The following PDE7B variants were observed in gnomAD, a reference collection of about 807,000 sequenced individuals.
PDE7B encodes the protein phosphodiesterase 7B.
In PDE7B, 29 loss-of-function variants were observed where a neutral mutation model predicts 56.2. That is an observed-to-expected ratio of 0.52 (90% CI 0.38 to 0.70). The LOEUF (loss-of-function observed/expected upper bound fraction) is 0.70, where lower values mean the gene tolerates loss of function less well. Among genes scored for constraint, PDE7B ranks in the 30% least tolerant of loss-of-function variants. The pLI, the probability that PDE7B is intolerant of heterozygous loss-of-function variation, is 0.00. For missense variants in PDE7B, 490 were observed against 565.0 expected (o/e 0.87, Z 1.35); for synonymous variants, 197 against 196.9 (o/e 1.00, Z 0.00).
intron 2 of PDE7B, among the ~76,000 whole-genome samples, chr6:136,015,424 T>C (rs1171626753): frequency 6.6e-6 from 1 of 152,214 alleles, no homozygotes; most frequent in East Asian, 1.9e-4. Context: ...CTGAATAATA[T>C]CTCTTTTTAA....
At chr6:136,053,649 G>T (rs1256091400) in intron 2 of PDE7B, among the ~76,000 whole-genome samples, 5 of 152,148 alleles carry the variant, frequency 3.3e-5, no homozygotes, top group African/African-American at 1.2e-4. Context: ...CTTCCACAAT[G>T]GTTAAGCTAG....
At chr6:135,942,191 A>AT (rs149648187) in intron 1 of PDE7B, among the ~76,000 whole-genome samples, 2,081 of 152,186 alleles carry the variant, frequency 0.014, 49 homozygotes, top group African/African-American at 0.046. Context: ...CCTAACATCA[A>AT]TTTTTTTATA....
intron 8 of PDE7B, among the ~76,000 whole-genome samples, chr6:136,157,681 G>A (rs77223568): frequency 6.6e-6 from 1 of 152,172 alleles, no homozygotes; most frequent in Non-Finnish European, 1.5e-5. Flanking sequence ...GGAAGATGGG[G>A]GAAGGAGAAA....
rs1774236468 is a variant in PDE7B, at chr6:135,928,489, A to ATATATATATATTTATATATATATATT, written c.22-18971_22-18946dup. Among the ~76,000 whole-genome samples the ATATATATATATTTATATATATATATT allele has an allele frequency of 4.2e-3, 342 of 81,500 alleles. 5 individuals carry two copies. The highest frequency in any genetic ancestry group is 0.013 in the African/African-American group (286 of 21,818). The allele number at this position is 81,500 out of a possible 152,430, so 53.5% of individuals were successfully genotyped here. ...TTTATTTATATATATATATTTATTT[A>ATATATATATATTTATATATATATATT]TATATATATATTTATATATATATAT... On this transcript the variant is annotated intron_variant, in intron 1 of 12. Coordinates refer to ENST00000308191, the MANE Select transcript of PDE7B (RefSeq NM_018945.4).
intron 1 of PDE7B, among the ~76,000 whole-genome samples, chr6:135,882,202 C>T (rs1249068160): frequency 6.6e-6 from 1 of 152,198 alleles, no homozygotes; most frequent in African/African-American, 2.4e-5. Flanking sequence ...TGGATATCCA[C>T]AGCCCACCAA....
chr6:136,183,312 G>C (rs766239651), intron 11 of PDE7B, among the ~76,000 whole-genome samples: 5 of 152,032 alleles, frequency 3.3e-5, no homozygotes, highest in Non-Finnish European at 5.9e-5. Context: ...GAAGATTATA[G>C]GCTGGGCATG....
rs190220683 is a variant in PDE7B at position 136,184,086 on chromosome 6, A to G, written c.1045+2763A>G. On this transcript the variant is annotated intron_variant, in intron 11 of 12. Coordinates refer to ENST00000308191, the MANE Select transcript of PDE7B (RefSeq NM_018945.4). ...GAACATCTGCTTCCAGCCTTGTCTAATCCTCAACAAAACTGATTATCCTAT... is the reference window on the plus strand; with the variant it reads ...GAACATCTGCTTCCAGCCTTGTCTAGTCCTCAACAAAACTGATTATCCTAT... 3.3e-5 allele frequency among the ~76,000 whole-genome samples: 5 copies of G among 152,316 alleles called. No homozygotes were observed. The East Asian group carries it at 9.6e-4, about 29-fold the overall frequency.
At position 136,187,072 on chromosome 6, in the gene PDE7B, C is replaced by T; in HGVS notation, c.1082C>T (p.Pro361Leu). Residue 361 changes from proline to leucine, a missense_variant, in exon 12 of 13, where the codon CCT becomes CTT. Physicochemically the swap from Pro to Leu is moderately conservative, Grantham distance 98 (BLOSUM62 -3). Transcript: ENST00000308191. ...CAGAAATTTGAACTGGAAATCAGTCCTCTTTGTAATCAACAGAAAGATTCC... is the reference window on the plus strand; with the variant it reads ...CAGAAATTTGAACTGGAAATCAGTCTTCTTTGTAATCAACAGAAAGATTCC... ...LEQKFELEISPLCNQQKDSIP... is the reference protein window; with the variant it reads ...LEQKFELEISLLCNQQKDSIP... The T allele has an allele frequency of 1.3e-6, 2 of 1,592,366 alleles. No homozygotes were observed. The highest frequency in any genetic ancestry group is 1.7e-6 in the Non-Finnish European group (2 of 1,161,654).
At position 135,974,236 on chromosome 6, in the gene PDE7B, A is replaced by G. The variant is rs201877916; in HGVS notation, c.82+26712A>G. 1.6e-3 allele frequency among the ~76,000 whole-genome samples: 239 copies of G among 152,226 alleles called. 1 individual carries two copies. In the East Asian group the frequency reaches 0.028, roughly 18 times the overall value. On this transcript the variant is annotated intron_variant, in intron 2 of 12. Coordinates refer to ENST00000308191, the MANE Select transcript of PDE7B (RefSeq NM_018945.4). ...CTCAAAATAACCCTGTAATATTTTA[A>G]GTGCTATCAATATCCTCTCATTCCA...
At chr6:136,008,336 T>C (rs1283481996) in intron 2 of PDE7B, among the ~76,000 whole-genome samples, 1 of 152,208 alleles carries the variant, frequency 6.6e-6, no homozygotes, top group East Asian at 1.9e-4. Context: ...TATAATCCTT[T>C]GGGTATATAC....
chr6:136,044,944 A>C (rs1382024041), intron 2 of PDE7B: 5 of 152,160 alleles, frequency 3.3e-5, no homozygotes, highest in African/African-American at 9.7e-5. Flanking sequence ...CTTTAAAAAA[A>C]AAAATTAAAC....
At chr6:135,901,866 C>T (rs532552146) in intron 1 of PDE7B, among the ~76,000 whole-genome samples, 11 of 152,216 alleles carry the variant, frequency 7.2e-5, no homozygotes, top group Non-Finnish European at 1.5e-4. Context: ...TTACACATCC[C>T]GTTGTCCTGA....
At chr6:136,048,793 T>C (rs577393734) in intron 2 of PDE7B, among the ~76,000 whole-genome samples, 10 of 152,318 alleles carry the variant, frequency 6.6e-5, no homozygotes, top group African/African-American at 2.4e-4. Flanking sequence ...ATTGACCATA[T>C]TTGTAAGATG....
At chr6:135,911,359 C>T (rs142722914) in intron 1 of PDE7B, among the ~76,000 whole-genome samples, 331 of 152,298 alleles carry the variant, frequency 2.2e-3, no homozygotes, top group Admixed American at 5.3e-3. Context: ...TTGGCCACCA[C>T]ACATCATATA....
chr6:136,157,944 T>C (rs746967436), intron 8 of PDE7B, among the ~76,000 whole-genome samples: 3 of 152,208 alleles, frequency 2.0e-5, no homozygotes, highest in Non-Finnish European at 4.4e-5. Context: ...GTGCATATCA[T>C]GATTCAGTGC....
At chr6:136,021,192 A>G (rs981494390) in intron 2 of PDE7B, among the ~76,000 whole-genome samples, 9 of 152,198 alleles carry the variant, frequency 5.9e-5, no homozygotes, top group African/African-American at 1.9e-4. Flanking sequence ...CTTGACATCA[A>G]CTTAGGTATC....
At chr6:136,061,193 T>C (rs971046087) in intron 2 of PDE7B, among the ~76,000 whole-genome samples, 1 of 152,158 alleles carries the variant, frequency 6.6e-6, no homozygotes, top group African/African-American at 2.4e-5. Flanking sequence ...TAAAAAGTTC[T>C]GCATGTGTGT....
chr6:136,181,353 A>C, intron 11 of PDE7B, 30 bp downstream of exon 11: 45 of 1,311,026 alleles, frequency 3.4e-5, no homozygotes, highest in Non-Finnish European at 4.5e-5. Context: ...CTGAGATTTC[A>C]TTGCCCTGTC....
intron 2 of PDE7B, among the ~76,000 whole-genome samples, chr6:136,054,830 G>C (rs1233640402): frequency 6.6e-6 from 1 of 152,174 alleles, no homozygotes; most frequent in East Asian, 1.9e-4. Context: ...GAAAAGCAAA[G>C]GGACATCTTA....
Sources: allele counts gnomAD v4.1 joint callset (sites outside exome capture counted in the v4.1 genomes callset), GRCh38; gene constraint gnomAD v4.1.1; transcripts MANE v1.5; gene names NCBI Gene and HGNC (gene_info 2026-07-23, HGNC 2026-07-21).